The following GNG2 variants were observed in gnomAD, a reference collection of about 807,000 sequenced individuals.
GNG2 encodes the protein G protein subunit gamma 2.
In GNG2, 5 loss-of-function variants were observed where a neutral mutation model predicts 5.5. That is an observed-to-expected ratio of 0.91 (90% CI 0.48 to 1.92). The LOEUF is 1.92. Ranked by LOEUF, GNG2 falls within the 30% of genes most tolerant of loss-of-function variation. The probability of loss-of-function intolerance (pLI) is 0.01; values close to 1 mark genes in which losing one functional copy is unlikely to be tolerated. For synonymous variants in GNG2, 28 were observed against 32.0 expected (o/e 0.88, Z 0.42); for missense variants, 55 against 88.4 (o/e 0.62, Z 1.52).
At chr14:51,903,012 G>A (rs999079757) in intron 2 of GNG2, among the ~76,000 whole-genome samples, 1 of 152,158 alleles carries the variant, frequency 6.6e-6, no homozygotes, top group Non-Finnish European at 1.5e-5. Context: ...TTTATTATAA[G>A]CAATCAGGGA....
intron 2 of GNG2, among the ~76,000 whole-genome samples, chr14:51,836,271 C>T (rs536691859): frequency 6.6e-6 from 1 of 152,050 alleles, no homozygotes; most frequent in South Asian, 2.1e-4. Context: ...TAGGCTTCAA[C>T]ATATGAATTA....
chr14:51,852,557 G>A (rs1473966531), intron 2 of GNG2, among the ~76,000 whole-genome samples: 1 of 152,214 alleles, frequency 6.6e-6, no homozygotes, highest in Admixed American at 6.5e-5. Context: ...CAGGGGAGGG[G>A]TCCCTAGCTT....
At chr14:51,936,133 A>G (rs1358929282) in intron 2 of GNG2, among the ~76,000 whole-genome samples, 1 of 152,212 alleles carries the variant, frequency 6.6e-6, no homozygotes, top group East Asian at 1.9e-4. Flanking sequence ...TCTGGGCTCC[A>G]TGCTTTGGGA....
At chr14:51,826,622 A>G (rs969437213) in intron 1 of GNG2, among the ~76,000 whole-genome samples, 3 of 152,238 alleles carry the variant, frequency 2.0e-5, no homozygotes, top group African/African-American at 7.2e-5. Context: ...TGAAACAGGA[A>G]CACCTCATTC....
intron 2 of GNG2, among the ~76,000 whole-genome samples, chr14:51,889,892 A>G (rs548080253): frequency 6.6e-6 from 1 of 152,290 alleles, no homozygotes; most frequent in African/African-American, 2.4e-5. Flanking sequence ...CAGATTATCT[A>G]ATCACTCTTT....
intron 2 of GNG2, among the ~76,000 whole-genome samples, chr14:51,834,972 C>T (rs1015805132): frequency 2.6e-5 from 4 of 152,200 alleles, no homozygotes; most frequent in South Asian, 2.1e-4. Context: ...CTAAAAGAGC[C>T]GAGGGCTCTA....
intron 2 of GNG2, among the ~76,000 whole-genome samples, chr14:51,882,024 A>G (rs1012000016): frequency 1.2e-4 from 18 of 152,332 alleles, no homozygotes; most frequent in Admixed American, 2.6e-4. Flanking sequence ...AAGTTGCAGA[A>G]GAAATGAAAA....
chr14:51,910,933 A>G (rs1364161961), intron 2 of GNG2, among the ~76,000 whole-genome samples: 14 of 152,248 alleles, frequency 9.2e-5, no homozygotes. Flanking sequence ...TAGCTGACAG[A>G]GCTTCCAGAA....
chr14:51,932,975 G>C (rs553086586), intron 2 of GNG2, among the ~76,000 whole-genome samples: 1 of 152,250 alleles, frequency 6.6e-6, no homozygotes, highest in South Asian at 2.1e-4. Context: ...GCAAGGAAAA[G>C]GCCACGTGAC....
intron 3 of GNG2, 41 bp downstream of exon 3, chr14:51,950,806 T>A: frequency 1.6e-6 from 2 of 1,252,584 alleles, no homozygotes; most frequent in Middle Eastern, 1.9e-4. Context: ...AGCGTGAGTC[T>A]AAGGCGCATG....
intron 2 of GNG2, among the ~76,000 whole-genome samples, chr14:51,930,010 A>G (rs183712346): frequency 7.9e-5 from 12 of 152,334 alleles, no homozygotes; most frequent in African/African-American, 2.2e-4. Context: ...TAATGTTTCT[A>G]TGCAGAGTAC....
chr14:51,875,656 C>T (rs1050375378), intron 1 of GNG2, among the ~76,000 whole-genome samples: 27 of 150,856 alleles, frequency 1.8e-4, no homozygotes, highest in African/African-American at 6.1e-4. Context: ...GTATATAATA[C>T]ATGTTAGTGC....
intron 2 of GNG2, among the ~76,000 whole-genome samples, chr14:51,849,886 T>G (rs549617113): frequency 3.3e-5 from 5 of 151,510 alleles, no homozygotes; most frequent in African/African-American, 1.2e-4. Flanking sequence ...TGCAGCTCAT[T>G]GCAGCCTCTA....
chr14:51,839,393 A>G (rs934074320), intron 2 of GNG2, among the ~76,000 whole-genome samples: 3 of 152,192 alleles, frequency 2.0e-5, no homozygotes. Flanking sequence ...CAGAGGGATG[A>G]CTTCGAGTTC....
At chr14:51,914,462 A>G (rs146933209) in intron 2 of GNG2, among the ~76,000 whole-genome samples, 290 of 152,290 alleles carry the variant, frequency 1.9e-3, no homozygotes, top group African/African-American at 6.5e-3. Context: ...TTTTGGCACG[A>G]GGTTTGGTAA....
intron 2 of GNG2, among the ~76,000 whole-genome samples, chr14:51,886,534 A>G (rs755634188): frequency 2.0e-5 from 3 of 152,220 alleles, no homozygotes; most frequent in Admixed American, 1.3e-4. Flanking sequence ...TAATTTCAAG[A>G]GTACTTAGTA....
intron 2 of GNG2, among the ~76,000 whole-genome samples, chr14:51,881,247 A>C (rs889206305): frequency 6.6e-6 from 1 of 152,204 alleles, no homozygotes; most frequent in South Asian, 2.1e-4. Context: ...CATAGAGCAA[A>C]ATCGAACTTT....
intron 2 of GNG2, among the ~76,000 whole-genome samples, chr14:51,943,043 C>T (rs1888438202): frequency 6.6e-6 from 1 of 152,130 alleles, no homozygotes; most frequent in Non-Finnish European, 1.5e-5. Flanking sequence ...ACTCCATTTA[C>T]CTCTGCCCCA....
chr14:51,961,437 G>C (rs760694669), intron 3 of GNG2, among the ~76,000 whole-genome samples: 1 of 152,200 alleles, frequency 6.6e-6, no homozygotes, highest in Non-Finnish European at 1.5e-5. Flanking sequence ...TGTTGAATAT[G>C]TGTCAGGCAC....
Sources: allele counts gnomAD v4.1 joint callset (sites outside exome capture counted in the v4.1 genomes callset), GRCh38; gene constraint gnomAD v4.1.1; transcripts MANE v1.5; gene names NCBI Gene and HGNC (gene_info 2026-07-23, HGNC 2026-07-21).